The following AGBL1 variants were observed in gnomAD, a reference collection of about 807,000 sequenced individuals.
AGBL1 encodes the protein cytosolic carboxypeptidase 4.
Under a neutral mutation model 118.9 loss-of-function variants are expected in AGBL1, and 130 were observed. That is an observed-to-expected ratio of 1.09 (90% CI 0.95 to 1.26). The LOEUF is 1.26. AGBL1 is among the 50% of genes most tolerant of loss of function. AGBL1 has a pLI of 0.00. For synonymous variants in AGBL1, 555 were observed against 478.9 expected (o/e 1.16, Z -2.08); for missense variants, 1,584 against 1,298.1 (o/e 1.22, Z -3.38).
intron 18 of AGBL1, among the ~76,000 whole-genome samples, chr15:86,424,964 T>C (rs1365125901): frequency 2.0e-5 from 3 of 152,164 alleles, no homozygotes; most frequent in Admixed American, 6.5e-5. Context: ...AGTTCAACCA[T>C]TGTGGAAGAC....
chr15:86,266,480 G>C (rs1340157170), intron 12 of AGBL1, 23 bp downstream of exon 12: 1 of 1,515,360 alleles, frequency 6.6e-7, no homozygotes, highest in South Asian at 1.2e-5. Context: ...GTGCATCTGA[G>C]GAAGGTGGGG....
At chr15:86,738,812 T>C (rs368726836) in intron 22 of AGBL1, among the ~76,000 whole-genome samples, 1 of 152,092 alleles carries the variant, frequency 6.6e-6, no homozygotes, top group East Asian at 1.9e-4. Context: ...TGGGGGAAGA[T>C]AATTTGACCA....
intron 17 of AGBL1, among the ~76,000 whole-genome samples, chr15:86,307,087 T>C (rs1264965291): frequency 6.6e-6 from 1 of 152,190 alleles, no homozygotes; most frequent in African/African-American, 2.4e-5. Flanking sequence ...GAGGGGAGTT[T>C]TAAAAAATCT....
At chr15:86,715,288 A>T (rs1413244421) in intron 22 of AGBL1, among the ~76,000 whole-genome samples, 5 of 152,216 alleles carry the variant, frequency 3.3e-5, no homozygotes, top group African/African-American at 1.2e-4. Flanking sequence ...TATTTCTATA[A>T]TGGCAAATTA....
chr15:86,635,441 T>C (rs1286796234), intron 21 of AGBL1, among the ~76,000 whole-genome samples: 1 of 151,414 alleles, frequency 6.6e-6, no homozygotes, highest in Non-Finnish European at 1.5e-5. Context: ...TGCCCTGAAC[T>C]GCGATTCAGG....
At chr15:87,007,981 T>C (rs903825287) in intron 24 of AGBL1, among the ~76,000 whole-genome samples, 1 of 152,072 alleles carries the variant, frequency 6.6e-6, no homozygotes, top group East Asian at 1.9e-4. Context: ...AAGAAGAAAA[T>C]TTGGATTATT....
chr15:87,010,821 T>C (rs1176863765), intron 24 of AGBL1, among the ~76,000 whole-genome samples: 1 of 151,372 alleles, frequency 6.6e-6, no homozygotes, highest in East Asian at 1.9e-4. Context: ...CTATCTGTCA[T>C]CTATCTGTCT....
intron 23 of AGBL1, among the ~76,000 whole-genome samples, chr15:86,959,192 A>G (rs11632067): frequency 0.092 from 14,077 of 152,194 alleles, 806 homozygotes; most frequent in East Asian, 0.18. Flanking sequence ...TTCATCAAAC[A>G]TAATAATCTT....
At chr15:86,567,159 T>G (rs1410701212) in intron 21 of AGBL1, among the ~76,000 whole-genome samples, 1 of 152,228 alleles carries the variant, frequency 6.6e-6, no homozygotes, top group African/African-American at 2.4e-5. Context: ...CATAATCATT[T>G]TATTCCAACC....
chr15:86,191,876 A>C (rs1208457092), intron 5 of AGBL1, among the ~76,000 whole-genome samples: 1 of 151,360 alleles, frequency 6.6e-6, no homozygotes, highest in East Asian at 1.9e-4. Flanking sequence ...GTATGAGACC[A>C]AGCCTGGGCA....
downstream of AGBL1, among the ~76,000 whole-genome samples, chr15:86,917,940 T>G (rs764153924): frequency 6.6e-6 from 1 of 152,148 alleles, no homozygotes; most frequent in African/African-American, 2.4e-5. This position sits in a 1 kb window ranked among gnomAD's most constrained non-coding sequence, Gnocchi z 4.8. Context: ...CCATCCCTAG[T>G]CCCTCAAATC....
At chr15:86,488,514 G>C (rs568602913) in intron 18 of AGBL1, among the ~76,000 whole-genome samples, 1 of 151,922 alleles carries the variant, frequency 6.6e-6, no homozygotes, top group Non-Finnish European at 1.5e-5. Context: ...ACTCAGATGC[G>C]GTCCTAAGAT....
chr15:86,737,232 G>A (rs193086729), intron 22 of AGBL1, among the ~76,000 whole-genome samples: 95 of 152,218 alleles, frequency 6.2e-4, no homozygotes, highest in Admixed American at 5.4e-3. Context: ...GAAGTAGTAG[G>A]GCCTGGAAAA....
At chr15:86,631,064 G>C (rs1276046143) in intron 21 of AGBL1, 2 of 153,274 alleles carry the variant, frequency 1.3e-5, no homozygotes, top group Non-Finnish European at 2.9e-5. Context: ...TACCTGGAAG[G>C]CCTCTTTCTC....
chr15:86,511,245 G>A (rs2083049309), intron 18 of AGBL1, among the ~76,000 whole-genome samples: 1 of 152,022 alleles, frequency 6.6e-6, no homozygotes, highest in African/African-American at 2.4e-5. Flanking sequence ...CTTATGGTCA[G>A]GTGACAGCAC....
intron 19 of AGBL1, among the ~76,000 whole-genome samples, chr15:86,526,027 G>A (rs1187870342): frequency 6.6e-6 from 1 of 151,918 alleles, no homozygotes; most frequent in Non-Finnish European, 1.5e-5. Flanking sequence ...AGACAAAAAA[G>A]AAATAATGTT....
chr15:86,932,913 G>C (rs1330820320), intron 23 of AGBL1: 2 of 152,092 alleles, frequency 1.3e-5, no homozygotes, highest in Admixed American at 6.5e-5. Flanking sequence ...AGCCTTCCTG[G>C]TGGAAACAGA....
chr15:86,142,772 G>A (rs4887199), intron 2 of AGBL1, among the ~76,000 whole-genome samples: 9,287 of 152,218 alleles, frequency 0.061, 445 homozygotes, highest in East Asian at 0.22. Context: ...AGTCTTTCAC[G>A]TGGGGCCTGT....
At chr15:86,431,157 C>T (rs2081931007) in intron 18 of AGBL1, among the ~76,000 whole-genome samples, 1 of 151,986 alleles carries the variant, frequency 6.6e-6, no homozygotes, top group Non-Finnish European at 1.5e-5. Context: ...CGATGAACCT[C>T]ACTTCCCAGA....
Sources: gnomAD v4.1 joint callset for allele counts (sites outside exome capture counted in the v4.1 genomes callset) on GRCh38, gnomAD v4.1.1 for gene constraint, Gnocchi (gnomAD v3.1) non-coding constraint, MANE v1.5 for transcripts, NCBI Gene and HGNC (gene_info 2026-07-23, HGNC 2026-07-21) for gene names.